Variants in KDM4C observed in about 807,000 individuals in gnomAD.
KDM4C encodes the protein lysine demethylase 4C.
In KDM4C, 81 loss-of-function variants were observed where a neutral mutation model predicts 129.3. The ratio of observed to expected loss-of-function variants is 0.63; its 90% confidence interval spans 0.52 to 0.75. The LOEUF (loss-of-function observed/expected upper bound fraction) is 0.75, where lower values mean the gene tolerates loss of function less well. KDM4C is among the 30% of genes least tolerant of loss of function. The pLI, the probability that KDM4C is intolerant of heterozygous loss-of-function variation, is 0.00. For synonymous variants in KDM4C, 573 were observed against 456.1 expected (o/e 1.26, Z -3.26); for missense variants, 1,457 against 1,304.0 (o/e 1.12, Z -1.81).
intron 1 of KDM4C, among the ~76,000 whole-genome samples, chr9:6,789,945 C>G (rs963554339): frequency 6.6e-6 from 1 of 151,870 alleles, no homozygotes; most frequent in African/African-American, 2.4e-5. Context: ...GTATCTCCTA[C>G]TTCCTCATGT....
At chr9:7,009,675 A>G (rs1822329349) in intron 12 of KDM4C, among the ~76,000 whole-genome samples, 1 of 152,204 alleles carries the variant, frequency 6.6e-6, no homozygotes, top group Non-Finnish European at 1.5e-5. Context: ...TAGTCAAATC[A>G]TGGGTGTTAT....
At chr9:6,904,575 C>A in intron 8 of KDM4C, among the ~76,000 whole-genome samples, 1 of 152,188 alleles carries the variant, frequency 6.6e-6, no homozygotes, top group East Asian at 1.9e-4. Flanking sequence ...GCTTGGTGCA[C>A]GGGTCCAGTC....
intron 17 of KDM4C, among the ~76,000 whole-genome samples, chr9:7,098,364 A>G (rs1288021249): frequency 6.6e-6 from 1 of 152,224 alleles, no homozygotes; most frequent in African/African-American, 2.4e-5. Flanking sequence ...ACAAAAAGCC[A>G]TGAGATAAAT....
At chr9:7,101,869 A>G (rs1402451306) in intron 17 of KDM4C, among the ~76,000 whole-genome samples, 1 of 152,192 alleles carries the variant, frequency 6.6e-6, no homozygotes, top group Non-Finnish European at 1.5e-5. Flanking sequence ...GTATAATTAG[A>G]TTCTTGAAAG....
intron 5 of KDM4C, among the ~76,000 whole-genome samples, chr9:6,857,398 TAAG>T (rs1311981842): frequency 2.0e-5 from 3 of 152,212 alleles, no homozygotes; most frequent in Non-Finnish European, 4.4e-5. Context: ...GCTATATTTG[TAAG>T]AAGAAGAGAA....
At chr9:7,141,688 G>T (rs1841754604) in intron 19 of KDM4C, among the ~76,000 whole-genome samples, 1 of 152,152 alleles carries the variant, frequency 6.6e-6, no homozygotes, top group Non-Finnish European at 1.5e-5. Flanking sequence ...ACTTGGTTGT[G>T]TTGGAGTTTC....
intron 1 of KDM4C, among the ~76,000 whole-genome samples, chr9:6,764,637 A>C (rs1436843710): frequency 6.6e-6 from 1 of 152,224 alleles, no homozygotes; most frequent in Non-Finnish European, 1.5e-5. Flanking sequence ...TCAGATACAC[A>C]TGGTATTTCA....
intron 5 of KDM4C, among the ~76,000 whole-genome samples, chr9:6,866,232 T>C (rs1239408533): frequency 6.6e-6 from 1 of 152,208 alleles, no homozygotes; most frequent in Non-Finnish European, 1.5e-5. Context: ...GAGATTCTTA[T>C]AATTTACCTT....
chr9:6,917,557 A>G (rs909512211), intron 8 of KDM4C, among the ~76,000 whole-genome samples: 3 of 152,174 alleles, frequency 2.0e-5, no homozygotes, highest in Non-Finnish European at 4.4e-5. Flanking sequence ...GTATCTGACC[A>G]TGGCTGGAGA....
At chr9:7,038,657 A>G (rs1182968213) in intron 15 of KDM4C, among the ~76,000 whole-genome samples, 2 of 152,046 alleles carry the variant, frequency 1.3e-5, no homozygotes, top group African/African-American at 2.4e-5. Flanking sequence ...GTCCTTCTCC[A>G]TAGATTCAAA....
At chr9:6,904,290 A>C (rs375068769) in intron 8 of KDM4C, among the ~76,000 whole-genome samples, 1 of 152,234 alleles carries the variant, frequency 6.6e-6, no homozygotes, top group South Asian at 2.1e-4. Flanking sequence ...ATTTATACCT[A>C]TATCTATATA....
At chr9:6,851,659 C>T (rs545862224) in intron 5 of KDM4C, among the ~76,000 whole-genome samples, 54 of 152,156 alleles carry the variant, frequency 3.5e-4, no homozygotes, top group African/African-American at 7.2e-4. Flanking sequence ...ATGCCTGGGA[C>T]GTTAATTTGA....
At chr9:7,064,734 G>T (rs139973263) in intron 17 of KDM4C, among the ~76,000 whole-genome samples, 1 of 152,232 alleles carries the variant, frequency 6.6e-6, no homozygotes, top group East Asian at 1.9e-4. Context: ...TAGGGGGTTA[G>T]AATCTTACTG....
rs181756770 is a variant in KDM4C at position 6,893,278 on chromosome 9, G to A, written c.921+46G>A. On this transcript the variant is annotated intron_variant, in intron 8 of 21. Coordinates refer to ENST00000381309, the MANE Select transcript of KDM4C (RefSeq NM_015061.6). ...AAAGCAAAAATTAAATGTGTATTCT[G>A]GTTATTTTAGTAGGAACCCTACGAT... The A allele has an allele frequency of 7.9e-6, 12 of 1,524,760 alleles. 1 individual carries two copies. In the South Asian group the frequency reaches 1.2e-4, roughly 15 times the overall value. 94.5% of individuals were successfully genotyped at this position (1,524,760 alleles called of 1,614,324 possible). A position where few individuals can be genotyped will look rare whatever the true frequency, so the allele number is the denominator to read the frequency against.
chr9:6,801,149 T>C (rs966491708), intron 2 of KDM4C, among the ~76,000 whole-genome samples: 1 of 152,022 alleles, frequency 6.6e-6, no homozygotes, highest in African/African-American at 2.4e-5. Context: ...GTTTCAGAGT[T>C]ATAGGTACAT....
intron 18 of KDM4C, 85 bp from the exon 19 acceptor site, chr9:7,127,981 T>G (rs1406372246): frequency 8.5e-7 from 1 of 1,171,862 alleles, no homozygotes; most frequent in Non-Finnish European, 1.1e-6. Context: ...AATGATTGTT[T>G]TTCAAATGAA....
chr9:6,734,122 G>C (rs768232699), intron 1 of KDM4C, among the ~76,000 whole-genome samples: 7 of 152,048 alleles, frequency 4.6e-5, no homozygotes, highest in African/African-American at 9.7e-5. Flanking sequence ...ATTCAAGATG[G>C]AGTTGGTCTG....
chr9:7,090,646 A>C (rs1036831831), intron 17 of KDM4C, among the ~76,000 whole-genome samples: 1 of 152,050 alleles, frequency 6.6e-6, no homozygotes, highest in Non-Finnish European at 1.5e-5. Context: ...TTTATAAATG[A>C]CCTCCCCATA....
chr9:6,844,306 A>T (rs1015537922), intron 4 of KDM4C, among the ~76,000 whole-genome samples: 1 of 152,154 alleles, frequency 6.6e-6, no homozygotes, highest in African/African-American at 2.4e-5. Context: ...GACATAATCA[A>T]ATTAAATATG....
Sources: allele counts gnomAD v4.1 joint callset (sites outside exome capture counted in the v4.1 genomes callset), GRCh38; gene constraint gnomAD v4.1.1; transcripts MANE v1.5; gene names NCBI Gene and HGNC (gene_info 2026-07-23, HGNC 2026-07-21).